The following PCDH19 variants were observed in gnomAD, a reference collection of about 807,000 sequenced individuals.
PCDH19 encodes protocadherin 19.
In PCDH19, 6 loss-of-function variants were observed where a neutral mutation model predicts 46.2. The ratio of observed to expected loss-of-function variants is 0.13; its 90% CI spans 0.07 to 0.26. The LOEUF (loss-of-function observed/expected upper bound fraction) is 0.26, where lower values mean the gene tolerates loss of function less well. Ranked by LOEUF, PCDH19 falls within the 10% of genes least tolerant of loss-of-function variation. The probability of loss-of-function intolerance (pLI) is 1.00; values close to 1 mark genes in which losing one functional copy is unlikely to be tolerated. For missense variants in PCDH19, 740 were observed against 972.3 expected, an observed-to-expected ratio of 0.76 and a Z score of 3.18; for synonymous variants, 481 against 415.7, an observed-to-expected ratio of 1.16 and a Z score of -1.91.
chrX:100,375,432 T>G (rs2147511987), intron 3 of PCDH19, among the ~76,000 whole-genome samples: 1 of 112,469 alleles, frequency 8.9e-6, no homozygotes, highest in Non-Finnish European at 1.9e-5. Flanking sequence ...AACTCATCCT[T>G]TTTATGGCTG....
chrX:100,310,901 A>T (rs1351166440), intron 5 of PCDH19, among the ~76,000 whole-genome samples: 1 of 109,830 alleles, frequency 9.1e-6, no homozygotes, highest in African/African-American at 3.3e-5. Context: ...CCCAAGCTGG[A>T]GTGCAATAGT....
chrX:100,390,963 T>C (rs5921569), intron 3 of PCDH19, among the ~76,000 whole-genome samples: 2,353 of 111,530 alleles, frequency 0.021, 38 homozygotes, highest in Non-Finnish European at 0.033. Flanking sequence ...AGCTAAAATA[T>C]TTATCTCTGT....
chrX:100,339,972 T>C (rs1207733049), intron 5 of PCDH19, among the ~76,000 whole-genome samples: 1 of 111,617 alleles, frequency 9.0e-6, no homozygotes, highest in Non-Finnish European at 1.9e-5. Flanking sequence ...TAGGGGAATC[T>C]TGGAGTATTG....
intron 5 of PCDH19, among the ~76,000 whole-genome samples, chrX:100,339,619 T>A (rs1184582649): frequency 1.8e-5 from 2 of 112,345 alleles, no homozygotes; most frequent in African/African-American, 6.5e-5. Flanking sequence ...CCAAGTGAAC[T>A]GGTGATGGAA....
At chrX:100,347,177 C>A (rs1602598111) in intron 4 of PCDH19, among the ~76,000 whole-genome samples, 2 of 111,320 alleles carry the variant, frequency 1.8e-5, no homozygotes, top group South Asian at 7.7e-4. Flanking sequence ...TCCTTCTCAA[C>A]CTTGATTTGT....
chrX:100,371,376 G>A (rs983210316), intron 3 of PCDH19, among the ~76,000 whole-genome samples: 7 of 110,769 alleles, frequency 6.3e-5, no homozygotes, highest in African/African-American at 1.6e-4. Context: ...TTTTTTCAAC[G>A]TCTATCTCCT....
intron 4 of PCDH19, among the ~76,000 whole-genome samples, chrX:100,343,844 C>T (rs1422703859): frequency 3.6e-5 from 4 of 111,621 alleles, no homozygotes; most frequent in East Asian, 2.8e-4. Context: ...GAAATGACAC[C>T]GCAAACTCAC....
chrX:100,371,060 C>G, intron 3 of PCDH19, among the ~76,000 whole-genome samples: 1 of 108,899 alleles, frequency 9.2e-6, no homozygotes, highest in Non-Finnish European at 1.9e-5. Flanking sequence ...AACTCAAATG[C>G]CAGTAATTGC....
In PCDH19 at chrX:100,365,246, A is replaced by G. The variant is rs1927037710; in HGVS notation, c.2617-14542T>C. On this transcript the variant is annotated intron_variant, in intron 3 of 5. Transcript: ENST00000373034. Reference sequence around the variant, plus strand: ...TAACAGATGGAAAAACTGAGGCCCAAAAGTTTCTGAATCCATGATCATAGC... The same window carrying G: ...TAACAGATGGAAAAACTGAGGCCCAGAAGTTTCTGAATCCATGATCATAGC... Among the ~76,000 whole-genome samples the G allele has an allele frequency of 5.4e-5, 6 of 111,192 alleles. 1 individual carries two copies. In the South Asian group the frequency reaches 2.3e-3, roughly 43 times the overall value.
At chrX:100,305,103 T>C (rs1924903479) in intron 5 of PCDH19, among the ~76,000 whole-genome samples, 1 of 111,841 alleles carries the variant, frequency 8.9e-6, no homozygotes, top group African/African-American at 3.3e-5. Context: ...AAAAAGATCA[T>C]CACCTAGGCA....
intron 4 of PCDH19, among the ~76,000 whole-genome samples, chrX:100,346,840 C>T (rs1926415880): frequency 9.2e-6 from 1 of 108,131 alleles, no homozygotes. Context: ...GTTCCCAAAG[C>T]ACTGTAGGAG....
intron 3 of PCDH19, among the ~76,000 whole-genome samples, chrX:100,388,555 C>A (rs190662562): frequency 3.4e-3 from 378 of 110,816 alleles, no homozygotes; most frequent in Non-Finnish European, 5.7e-3. Context: ...CAACCCTGTA[C>A]ATGAATTTTT....
rs1283983204 is a variant in PCDH19, at chrX:100,406,479, T to C, written c.2119A>G (p.Asn707Asp). The C allele has an allele frequency of 1.7e-6, 2 of 1,206,985 alleles. No homozygotes were observed. The highest frequency in any genetic ancestry group is 4.4e-5 in the Admixed American group (2 of 45,629). Residue 707 changes from asparagine to aspartate, a missense_variant, in exon 1 of 6, where the codon AAC becomes GAC. By Grantham distance (23) the Asn-to-Asp change is conservative (BLOSUM62 1). Transcript: ENST00000373034. Reference protein sequence around the residue: ...IFVAIKCKRDNKEIRTYNCSN... With the variant: ...IFVAIKCKRDDKEIRTYNCSN... Reference sequence around the variant, plus strand: ...CAGTTGTAGGTCCGGATCTCTTTGTTGTCTCGCTTGCACTTGATTGCCACG... The same window carrying C: ...CAGTTGTAGGTCCGGATCTCTTTGTCGTCTCGCTTGCACTTGATTGCCACG...
intron 5 of PCDH19, among the ~76,000 whole-genome samples, chrX:100,307,473 T>C (rs1458281070): frequency 6.3e-5 from 7 of 111,413 alleles, no homozygotes; most frequent in Non-Finnish European, 9.4e-5. Context: ...GCATTCCCCC[T>C]GAGAACTGAA....
chrX:100,389,948 A>T (rs1177799703), intron 3 of PCDH19, among the ~76,000 whole-genome samples: 1 of 111,250 alleles, frequency 9.0e-6, no homozygotes, highest in Non-Finnish European at 1.9e-5. Flanking sequence ...TTATTATTTG[A>T]GTTTTCATAT....
At chrX:100,401,800 G>T (rs1219800623) in intron 3 of PCDH19, among the ~76,000 whole-genome samples, 1 of 110,249 alleles carries the variant, frequency 9.1e-6, no homozygotes, top group Non-Finnish European at 1.9e-5. Context: ...TATTGCCCAG[G>T]CTGGCAAGCT....
intron 5 of PCDH19, among the ~76,000 whole-genome samples, chrX:100,300,417 C>A (rs1242742690): frequency 8.9e-6 from 1 of 111,816 alleles, no homozygotes; most frequent in Non-Finnish European, 1.9e-5. Flanking sequence ...AAGGTGCTGG[C>A]TCCAGCTTAT....
At chrX:100,363,615 T>TTTTATA (rs1926965301) in intron 3 of PCDH19, among the ~76,000 whole-genome samples, 1 of 89,589 alleles carries the variant, frequency 1.1e-5, no homozygotes, top group African/African-American at 4.2e-5. Flanking sequence ...ATGGGAAGTT[T>TTTTATA]TATATATATA....
chrX:100,392,425 T>C (rs760973629), intron 3 of PCDH19, among the ~76,000 whole-genome samples: 1 of 111,898 alleles, frequency 8.9e-6, no homozygotes, highest in African/African-American at 3.2e-5. Context: ...CAAAAAGCCA[T>C]AACTACCATA....
Sources: allele counts gnomAD v4.1 joint callset (sites outside exome capture counted in the v4.1 genomes callset), GRCh38; gene constraint gnomAD v4.1.1; transcripts MANE v1.5; gene names NCBI Gene and HGNC (gene_info 2026-07-23, HGNC 2026-07-21).